DUSP22: variants seen among roughly 807,000 people sequenced by gnomAD.
The protein encoded by DUSP22 is dual specificity phosphatase 22.
Under a neutral mutation model 24.5 loss-of-function variants are expected in DUSP22, and 24 were observed. That is an observed-to-expected ratio of 0.98 (90% CI 0.71 to 1.38). DUSP22 has a LOEUF of 1.38. DUSP22 is among the 40% of genes most tolerant of loss of function. DUSP22 has a pLI of 0.00. For missense variants in DUSP22, 330 were observed against 269.2 expected (o/e 1.23, Z -1.58); for synonymous variants, 160 against 106.4 (o/e 1.50, Z -3.10).
At chr6:342,073 G>A (rs989269655) in intron 4 of DUSP22, among the ~76,000 whole-genome samples, 9 of 152,312 alleles carry the variant, frequency 5.9e-5, no homozygotes, top group East Asian at 5.8e-4. Flanking sequence ...GGATTCAGTT[G>A]TCATCTTTAC....
intron 3 of DUSP22, among the ~76,000 whole-genome samples, chr6:330,303 C>G (rs924916612): frequency 6.6e-6 from 1 of 152,296 alleles, no homozygotes; most frequent in African/African-American, 2.4e-5. Flanking sequence ...TGAAGAGGCT[C>G]CTGCAGGGAT....
At position 305,848 on chromosome 6, in the gene DUSP22, G is replaced by A. The variant is rs559134473; in HGVS notation, c.55+1187G>A. On this transcript the variant is annotated intron_variant, in intron 2 of 6. Coordinates refer to ENST00000419235, the MANE Select transcript of DUSP22 (RefSeq NM_001286555.3). ...CTAATGCTCCTCCCTTCCCTAACAA[G>A]CCAGAACATGGCCACTCCTGTTGGC... Among the ~76,000 whole-genome samples, 9 of 152,424 alleles carry A rather than the reference G, an allele frequency of 5.9e-5. No individual in the cohort carries two copies. The South Asian group carries it at 1.9e-3, about 32-fold the overall frequency.
intron 3 of DUSP22, among the ~76,000 whole-genome samples, chr6:316,715 G>C (rs1472349497): frequency 6.6e-6 from 1 of 152,294 alleles, no homozygotes; most frequent in Non-Finnish European, 1.5e-5. Context: ...TTTAAGCAGA[G>C]CACCTGCAGG....
intron 3 of DUSP22, among the ~76,000 whole-genome samples, chr6:328,238 A>G (rs547831230): frequency 1.9e-3 from 292 of 152,276 alleles, no homozygotes; most frequent in African/African-American, 6.8e-3. Context: ...ATGAGTCACA[A>G]TTGTGTACAT....
At chr6:337,796 C>T (rs889471583) in intron 4 of DUSP22, among the ~76,000 whole-genome samples, 12 of 152,304 alleles carry the variant, frequency 7.9e-5, no homozygotes, top group Admixed American at 1.3e-4. Flanking sequence ...AATTAGTTCT[C>T]TCCTATCCCA....
At chr6:320,754 GGGC>G (rs1758548709) in intron 3 of DUSP22, among the ~76,000 whole-genome samples, 1 of 152,296 alleles carries the variant, frequency 6.6e-6, no homozygotes, top group South Asian at 2.1e-4. Flanking sequence ...TAGTGCTTCA[GGGC>G]AGGTCAGGGA....
intron 1 of DUSP22, 26 bp from the exon 2 acceptor site, chr6:304,602 C>T (rs759061678): frequency 6.2e-6 from 10 of 1,614,104 alleles, no homozygotes; most frequent in African/African-American, 1.3e-5. Context: ...CTGCCATGCT[C>T]ATGTCTGTGT....
intron 3 of DUSP22, among the ~76,000 whole-genome samples, chr6:316,185 A>G (rs1220403997): frequency 6.6e-6 from 1 of 152,302 alleles, no homozygotes; most frequent in African/African-American, 2.4e-5. Flanking sequence ...TTCTCACATC[A>G]TCTGTCAGCA....
chr6:348,673 G>A, intron 6 of DUSP22, 96 bp from the exon 7 acceptor site: 2 of 1,555,932 alleles, frequency 1.3e-6, no homozygotes, highest in Non-Finnish European at 1.8e-6. Flanking sequence ...GGTTATGTGT[G>A]GCACCATCTC....
At position 292,564 on chromosome 6, in the gene DUSP22, A is replaced by G. The variant is rs1561640806; in HGVS notation, c.21+4A>G. On this transcript the variant is annotated splice_donor_region_variant and intron_variant, in intron 1 of 6. Transcript: ENST00000419235. The stretch of plus-strand genomic sequence containing the variant: ...CATGGGGAATGGGATGAACAAGGTA[A>G]CGTCTTCCCTCGTTCGCGCTGGGTT... The G allele has an allele frequency of 6.3e-7, 1 of 1,599,792 alleles. No homozygotes were observed. Among genetic ancestry groups the G allele is most frequent in the Non-Finnish European group, 8.5e-7 (1 of 1,173,522 alleles).
intron 3 of DUSP22, among the ~76,000 whole-genome samples, chr6:317,779 G>A (rs1430178164): frequency 3.9e-5 from 6 of 152,302 alleles, no homozygotes; most frequent in Admixed American, 6.5e-5. Flanking sequence ...GATCCAGCAC[G>A]CAGGGGCCCC....
intron 2 of DUSP22, among the ~76,000 whole-genome samples, chr6:308,781 T>C (rs1314668866): frequency 5.3e-5 from 8 of 152,312 alleles, no homozygotes; most frequent in Admixed American, 3.9e-4. Context: ...TATTATGGTA[T>C]GTGAATTATA....
At chr6:331,650 G>A (rs989472282) in intron 3 of DUSP22, among the ~76,000 whole-genome samples, 2 of 152,308 alleles carry the variant, frequency 1.3e-5, no homozygotes, top group African/African-American at 4.8e-5. Flanking sequence ...TGGCACTGGG[G>A]GACTCATGCT....
chr6:294,861 G>A (rs1252104172), intron 1 of DUSP22, among the ~76,000 whole-genome samples: 1 of 152,286 alleles, frequency 6.6e-6, no homozygotes, highest in Non-Finnish European at 1.5e-5. Context: ...CAGAAAAGTG[G>A]GGAAAGCAGA....
intron 3 of DUSP22, among the ~76,000 whole-genome samples, chr6:318,824 T>C (rs754828935): frequency 6.6e-6 from 1 of 152,266 alleles, no homozygotes; most frequent in Non-Finnish European, 1.5e-5. Context: ...AGAAGGGGAG[T>C]GGTCAGTGCT....
At chr6:305,659 G>T (rs1258449352) in intron 2 of DUSP22, among the ~76,000 whole-genome samples, 2 of 152,302 alleles carry the variant, frequency 1.3e-5, no homozygotes, top group Non-Finnish European at 2.9e-5. Flanking sequence ...GAGGGGCCAA[G>T]TCCCCCTGCC....
At chr6:346,570 T>C (rs1433853252) in intron 5 of DUSP22, among the ~76,000 whole-genome samples, 1 of 152,310 alleles carries the variant, frequency 6.6e-6, no homozygotes, top group Non-Finnish European at 1.5e-5. Context: ...GGCATTTTTA[T>C]GACCACTCGT....
intron 6 of DUSP22, 162 bp downstream of exon 6, chr6:348,436 G>A (rs549842617): frequency 1.7e-5 from 21 of 1,203,440 alleles, no homozygotes; most frequent in Admixed American, 1.3e-4. Flanking sequence ...AAGTCGTCAC[G>A]ATCCCTCGTG....
chr6:300,314 G>A (rs1187564733), intron 1 of DUSP22, among the ~76,000 whole-genome samples: 2 of 152,300 alleles, frequency 1.3e-5, no homozygotes, highest in Non-Finnish European at 2.9e-5. Context: ...GACATTTGAG[G>A]GTCCACTCCT....
Sources: gnomAD v4.1 joint callset for allele counts (sites outside exome capture counted in the v4.1 genomes callset) on GRCh38, gnomAD v4.1.1 for gene constraint, MANE v1.5 for transcripts, NCBI Gene and HGNC (gene_info 2026-07-23, HGNC 2026-07-21) for gene names.